The following PERP variants were observed in gnomAD, a reference collection of about 807,000 sequenced individuals.
The protein encoded by PERP is p53 apoptosis effector related to PMP-22.
In PERP, 11 loss-of-function variants were observed where a neutral mutation model predicts 20.3. That is an observed-to-expected ratio of 0.54 (90% CI 0.34 to 0.90). PERP has a LOEUF of 0.90. Among genes scored for constraint, PERP ranks in the 40% least tolerant of loss-of-function variants. PERP has a pLI of 0.02. For synonymous variants in PERP, 101 were observed against 102.0 expected (o/e 0.99, Z 0.06); for missense variants, 224 against 249.4 (o/e 0.90, Z 0.69).
At chr6:138,104,250 T>C (rs1238261133) in intron 1 of PERP, among the ~76,000 whole-genome samples, 1 of 152,246 alleles carries the variant, frequency 6.6e-6, no homozygotes, top group African/African-American at 2.4e-5. Flanking sequence ...ATTTCAATCA[T>C]TAATCTATAG....
chr6:138,092,141 A>G lies in PERP; in HGVS notation c.483T>C (p.Ile161=), dbSNP rs1775595412. 6.2e-7 allele frequency: 1 copy of G among 1,614,012 alleles called. No individual in the cohort carries two copies. Among genetic ancestry groups the G allele is most frequent in the African/African-American group, 1.3e-5 (1 of 74,928 alleles). ...AGAAGAAGGCACAGCCAATCAGGAT[A>G]ATCGTGGCTGCCCACCCAAAGCCGT... ...WAYGFGWAAT[I]ILIGCAFFFC... is the part of the protein sequence containing the mutation. Residue 161 remains isoleucine, a synonymous_variant, in exon 3 of 3, where the codon ATT becomes ATC. Transcript: ENST00000421351.
intron 1 of PERP, among the ~76,000 whole-genome samples, chr6:138,097,866 G>A (rs759967173): frequency 1.9e-4 from 29 of 152,024 alleles, no homozygotes; most frequent in African/African-American, 1.9e-4. Context: ...TTATCGCCCC[G>A]CAAAGAAACC....
chr6:138,091,956 A>T lies in PERP; in HGVS notation c.*86T>A, dbSNP rs763856859. ...TTAATAATATGAACACTGCCAAAAA[A>T]TGGGTTCAAAGTCGCCTGGAGAAAC... is the stretch of plus-strand genomic sequence containing the variant. On this transcript the variant is annotated 3_prime_UTR_variant, in exon 3 of 3. Coordinates refer to ENST00000421351, the MANE Select transcript of PERP (RefSeq NM_022121.5). 1.8e-5 allele frequency: 23 copies of T among 1,255,982 alleles called. No homozygotes were observed. Among genetic ancestry groups the T allele is most frequent in the Non-Finnish European group, 2.4e-5 (22 of 906,754 alleles). The allele number at this position is 1,255,982 out of a possible 1,614,324, so 77.8% of individuals were successfully genotyped here.
At position 138,096,510 on chromosome 6, in the gene PERP, A is replaced by G. The variant is rs1477888752; in HGVS notation, c.215-16T>C. ...CTACCCCACGCTGCAAGAAAAAAAG[A>G]AACAGCAATTAACAAGACAGACATA... On this transcript the variant is annotated splice_polypyrimidine_tract_variant and intron_variant, in intron 1 of 2. Transcript: ENST00000421351. The G allele has an allele frequency of 8.1e-6, 13 of 1,601,788 alleles. No individual in the cohort carries two copies. The highest frequency in any genetic ancestry group is 1.7e-4 in the Middle Eastern group (1 of 6,042).
At chr6:138,102,841 T>G (rs1277956800) in intron 1 of PERP, among the ~76,000 whole-genome samples, 1 of 152,094 alleles carries the variant, frequency 6.6e-6, no homozygotes, top group African/African-American at 2.4e-5. Context: ...GGCTCACGCC[T>G]GTAATCTCAG....
chr6:138,107,032 G>A lies in PERP; in HGVS notation c.214+95C>T, dbSNP rs1244067481. ...CATTCTGAAAAGCACTGGCTCCCCC[G>A]ACCCTGTGAGGGCCCATCACGCGCG... On this transcript the variant is annotated intron_variant, in intron 1 of 2. Transcript: ENST00000421351. This position sits in a 1 kb window ranked among gnomAD's most constrained non-coding sequence, Gnocchi z 4.8. The A allele has an allele frequency of 7.9e-7, 1 of 1,265,418 alleles. No individual in the cohort carries two copies. Among genetic ancestry groups the A allele is most frequent in the East Asian group, 2.5e-5 (1 of 40,026 alleles). 78.4% of individuals were successfully genotyped at this position (1,265,418 alleles called of 1,614,324 possible).
rs182014124 is a variant in PERP at position 138,090,038 on chromosome 6, A to G, written c.*2004T>C. ...CTCTAGATATCCAGTATCTTCTTGA[A>G]TGAGCTGTGGTATCACTTTAAAAGA... On this transcript the variant is annotated 3_prime_UTR_variant, in exon 3 of 3. Transcript: ENST00000421351. The G allele has an allele frequency of 4.6e-4, 70 of 152,300 alleles. No individual in the cohort carries two copies. The highest frequency in any genetic ancestry group is 1.6e-3 in the African/African-American group (68 of 41,562). The allele number at this position is 152,300 out of a possible 1,614,324, so 9.4% of individuals were successfully genotyped here. A position where few individuals can be genotyped will look rare whatever the true frequency, so the allele number is the denominator to read the frequency against.
intron 1 of PERP, among the ~76,000 whole-genome samples, chr6:138,102,838 G>A (rs990053436): frequency 6.6e-6 from 1 of 151,990 alleles, no homozygotes; most frequent in Non-Finnish European, 1.5e-5. Context: ...GGTGGCTCAC[G>A]CCTGTAATCT....
At chr6:138,097,679 C>T (rs1189340328) in intron 1 of PERP, among the ~76,000 whole-genome samples, 1 of 152,164 alleles carries the variant, frequency 6.6e-6, no homozygotes, top group African/African-American at 2.4e-5. Flanking sequence ...CATAGCCACA[C>T]AGCTGGTAAA....
At chr6:138,102,982 C>G (rs1469257636) in intron 1 of PERP, among the ~76,000 whole-genome samples, 3 of 151,468 alleles carry the variant, frequency 2.0e-5, no homozygotes, top group Non-Finnish European at 4.4e-5. Context: ...GCCTGTAGTC[C>G]GAGCTACTCG....
chr6:138,107,096 G>A lies in PERP; in HGVS notation c.214+31C>T. Reference sequence around the variant, plus strand: ...GCCGCGGCCCCGAGGGCTTCCTGGAGGCGGCGACGGCGGCGGCGGCGGGCA... The same window carrying A: ...GCCGCGGCCCCGAGGGCTTCCTGGAAGCGGCGACGGCGGCGGCGGCGGGCA... On this transcript the variant is annotated intron_variant, in intron 1 of 2. Transcript: ENST00000421351. This position sits in a 1 kb window ranked among gnomAD's most constrained non-coding sequence, Gnocchi z 4.8. 1.9e-6 allele frequency: 3 copies of A among 1,573,056 alleles called. No homozygotes were observed. The highest frequency in any genetic ancestry group is 2.6e-6 in the Non-Finnish European group (3 of 1,160,938).
chr6:138,092,877 G>A (rs568611904), intron 2 of PERP, among the ~76,000 whole-genome samples: 5 of 152,218 alleles, frequency 3.3e-5, no homozygotes, highest in East Asian at 1.9e-4. Context: ...GGAAACAGAC[G>A]TGGAGGGAGG....
intron 1 of PERP, among the ~76,000 whole-genome samples, chr6:138,097,699 C>T (rs1775716471): frequency 6.6e-6 from 1 of 152,138 alleles, no homozygotes; most frequent in African/African-American, 2.4e-5. Context: ...ATGGTTTAGA[C>T]AGAGTTTGAT....
rs753654720 is a variant in PERP, at chr6:138,107,381, G to T, written c.-41C>A. ...GGGGCCGAGCGGAGCGGAGCGGAGC[G>T]GGTCGGAGGAGCGCGCGGGACGGGC... On this transcript the variant is annotated 5_prime_UTR_variant, in exon 1 of 3. Transcript: ENST00000421351. This position sits in a 1 kb window ranked among gnomAD's most constrained non-coding sequence, Gnocchi z 4.8. The T allele has an allele frequency of 4.5e-5, 64 of 1,433,606 alleles. No homozygotes were observed. The South Asian group carries it at 7.4e-4, about 17-fold the overall frequency. 88.8% of individuals were successfully genotyped at this position (1,433,606 alleles called of 1,614,324 possible).
chr6:138,102,464 C>T (rs907594013), intron 1 of PERP, among the ~76,000 whole-genome samples: 5 of 152,144 alleles, frequency 3.3e-5, no homozygotes, highest in African/African-American at 1.2e-4. Context: ...GAATAAGGGA[C>T]GAAGCTTAGT....
At chr6:138,092,333 A>T in intron 2 of PERP, 65 bp from the exon 3 acceptor site, 6 of 1,337,684 alleles carry the variant, frequency 4.5e-6, no homozygotes, top group East Asian at 2.3e-5. Flanking sequence ...AATACACATT[A>T]GCGACAGATT....
Position 138,096,504 on chromosome 6 carries a change from A to G in PERP, c.215-10T>C. 1 of 1,602,590 alleles carries G rather than the reference A, an allele frequency of 6.2e-7. No individual in the cohort carries two copies. The highest frequency in any genetic ancestry group is 8.5e-7 in the Non-Finnish European group (1 of 1,175,398). On this transcript the variant is annotated splice_polypyrimidine_tract_variant and intron_variant, in intron 1 of 2. Coordinates refer to ENST00000421351, the MANE Select transcript of PERP (RefSeq NM_022121.5). ...GCTGCTCTACCCCACGCTGCAAGAA[A>G]AAAAGAAACAGCAATTAACAAGACA...
intron 1 of PERP, among the ~76,000 whole-genome samples, chr6:138,100,477 A>C (rs2114339906): frequency 6.6e-6 from 1 of 152,258 alleles, no homozygotes; most frequent in South Asian, 2.1e-4. Flanking sequence ...TTTCAAAGGC[A>C]GACTGTCCAT....
At chr6:138,099,553 C>T (rs1775742956) in intron 1 of PERP, among the ~76,000 whole-genome samples, 1 of 152,022 alleles carries the variant, frequency 6.6e-6, no homozygotes, top group Admixed American at 6.5e-5. Flanking sequence ...GGCAAAACCT[C>T]CTAACAAGGA....
Sources: allele counts gnomAD v4.1 joint callset (sites outside exome capture counted in the v4.1 genomes callset), GRCh38; gene constraint gnomAD v4.1.1; non-coding constraint Gnocchi (gnomAD v3.1); transcripts MANE v1.5; gene names NCBI Gene and HGNC (gene_info 2026-07-23, HGNC 2026-07-21).